Variants in CACNA2D3 observed in about 807,000 individuals in gnomAD.
CACNA2D3 encodes the protein voltage-dependent calcium channel subunit alpha-2/delta-3.
Under a neutral mutation model 160.6 loss-of-function variants are expected in CACNA2D3, and 60 were observed. The ratio of observed to expected loss-of-function variants is 0.37; its 90% CI spans 0.30 to 0.46. CACNA2D3 has a LOEUF of 0.46. CACNA2D3 is among the 20% of genes least tolerant of loss of function. The pLI is 1.00. For missense variants in CACNA2D3, 1,205 were observed against 1,365.0 expected (o/e 0.88, Z 1.85); for synonymous variants, 558 against 492.9 (o/e 1.13, Z -1.75).
At chr3:54,425,193 G>T (rs536049163) in intron 4 of CACNA2D3, among the ~76,000 whole-genome samples, 213 of 152,306 alleles carry the variant, frequency 1.4e-3, no homozygotes, top group African/African-American at 4.7e-3. Context: ...TTAGCCAGGC[G>T]TGGTGGCAGG....
In CACNA2D3 at chr3:54,677,460, T is replaced by C. The variant is rs540301650; in HGVS notation, c.1167+35219T>C. Among the ~76,000 whole-genome samples, 7 of 152,300 alleles carry C rather than the reference T, an allele frequency of 4.6e-5. No individual in the cohort carries two copies. The East Asian group carries it at 1.3e-3, about 29-fold the overall frequency. On this transcript the variant is annotated intron_variant, in intron 11 of 37. Coordinates refer to ENST00000474759, the MANE Select transcript of CACNA2D3 (RefSeq NM_018398.3). Reference sequence around the variant, plus strand: ...CTTCAATAAAAAGAACAGGCCTCTATTTAAAGACAGATTGAAGTTCTCTTC... The same window carrying C: ...CTTCAATAAAAAGAACAGGCCTCTACTTAAAGACAGATTGAAGTTCTCTTC...
chr3:54,763,809 A>ACG (rs1559573766), intron 12 of CACNA2D3, among the ~76,000 whole-genome samples: 2 of 15,746 alleles, frequency 1.3e-4, no homozygotes, highest in African/African-American at 4.9e-4. Context: ...GTACATATAT[A>ACG]TACATATATA....
At position 55,073,796 on chromosome 3, in the gene CACNA2D3, T is replaced by TGAAC; in HGVS notation, c.3122_3125dup (p.Leu1043ThrfsTer20). 6.2e-7 allele frequency: 1 copy of TGAAC among 1,613,472 alleles called. No homozygotes were observed. The highest frequency in any genetic ancestry group is 8.5e-7 in the Non-Finnish European group (1 of 1,179,474). On this transcript the variant is annotated frameshift_variant, in exon 37 of 38. Transcript: ENST00000474759. LOFTEE classifies it high-confidence loss of function. ...GTCAACATAATGAATCCCTTAAGTG[T>TGAAC]GAACGTCTAAAGGCCCAGAAGATCA...
chr3:54,970,467 G>T (rs183139300), intron 29 of CACNA2D3, among the ~76,000 whole-genome samples: 37 of 10,274 alleles, frequency 3.6e-3, no homozygotes, highest in South Asian at 0.01. Flanking sequence ...CCTCCCCTCC[G>T]TTCCTCACCC....
chr3:54,831,706 C>T (rs981731727), intron 14 of CACNA2D3, among the ~76,000 whole-genome samples: 2 of 152,122 alleles, frequency 1.3e-5, no homozygotes, highest in Non-Finnish European at 2.9e-5. Context: ...TACCCTTTTG[C>T]CTTTGGCCTT....
intron 32 of CACNA2D3, 72 bp downstream of exon 32, chr3:55,004,910 C>G: frequency 9.9e-7 from 1 of 1,010,298 alleles, no homozygotes; most frequent in Non-Finnish European, 1.5e-6. Flanking sequence ...TGTTATCTTC[C>G]TCTTTGGAGT....
intron 9 of CACNA2D3, among the ~76,000 whole-genome samples, chr3:54,600,656 G>C (rs1037352031): frequency 2.0e-5 from 3 of 152,184 alleles, no homozygotes; most frequent in African/African-American, 7.2e-5. Flanking sequence ...GGTGTGCTGT[G>C]AGGCAATGAG....
At position 54,809,366 on chromosome 3, in the gene CACNA2D3, C is replaced by T. The variant is rs1252690539; in HGVS notation, c.1381-7487C>T. 4.4e-5 allele frequency among the ~76,000 whole-genome samples: 5 copies of T among 113,646 alleles called. 1 individual carries two copies. The highest frequency in any genetic ancestry group is 1.3e-4 in the African/African-American group (3 of 23,448). 74.6% of individuals were successfully genotyped at this position (113,646 alleles called of 152,430 possible). A position where few individuals can be genotyped will look rare whatever the true frequency, so the allele number is the denominator to read the frequency against. On this transcript the variant is annotated intron_variant, in intron 13 of 37. Transcript: ENST00000474759. The stretch of plus-strand genomic sequence containing the variant: ...TCGCTCTGTCGCCCAGGTCGGACTG[C>T]GGACTGCAGTGGCGCAATCTCGGCT...
rs1293741219 is a variant in CACNA2D3 at position 55,062,816 on chromosome 3, A to G, written c.2988-10629A>G. ...GGATCTCACTTTTAGCTGCCCTAGA[A>G]GGTAACTCTTCCATTTGTTTTCCTG... is the stretch of plus-strand genomic sequence containing the variant. On this transcript the variant is annotated intron_variant, in intron 35 of 37. Transcript: ENST00000474759. Among the ~76,000 whole-genome samples, 3 of 152,202 alleles carry G rather than the reference A, an allele frequency of 2.0e-5. No homozygotes were observed. The East Asian group carries it at 5.8e-4, about 29-fold the overall frequency.
intron 27 of CACNA2D3, among the ~76,000 whole-genome samples, chr3:54,941,209 A>G (rs192268015): frequency 6.6e-6 from 1 of 152,370 alleles, no homozygotes; most frequent in Admixed American, 6.5e-5. Flanking sequence ...GTTGTTAAAC[A>G]GGCAAAGCCT....
At chr3:54,948,629 A>G (rs1208666282) in intron 27 of CACNA2D3, among the ~76,000 whole-genome samples, 7 of 152,230 alleles carry the variant, frequency 4.6e-5, no homozygotes, top group Non-Finnish European at 1.0e-4. Context: ...TGGAAGGAAT[A>G]CTAGGTTTCA....
At chr3:54,498,983 A>G (rs1701246340) in intron 4 of CACNA2D3, among the ~76,000 whole-genome samples, 1 of 152,120 alleles carries the variant, frequency 6.6e-6, no homozygotes, top group Non-Finnish European at 1.5e-5. Context: ...ATCAGAGAAC[A>G]TAGTATGTGG....
At chr3:54,564,564 C>A (rs935382854) in intron 6 of CACNA2D3, among the ~76,000 whole-genome samples, 2 of 152,196 alleles carry the variant, frequency 1.3e-5, no homozygotes, top group Non-Finnish European at 2.9e-5. Flanking sequence ...AAAGAGTGAT[C>A]ATGAGCATTT....
chr3:54,305,440 T>C (rs1052704303), intron 2 of CACNA2D3, among the ~76,000 whole-genome samples: 1 of 152,268 alleles, frequency 6.6e-6, no homozygotes, highest in Admixed American at 6.5e-5. Context: ...TCATGCACTA[T>C]AATTTATACT....
intron 2 of CACNA2D3, among the ~76,000 whole-genome samples, chr3:54,274,610 A>G (rs1230001471): frequency 1.3e-5 from 2 of 152,240 alleles, no homozygotes. Flanking sequence ...AACAGCAGCC[A>G]TTTACTATTA....
At chr3:54,407,786 A>G (rs573283139) in intron 4 of CACNA2D3, among the ~76,000 whole-genome samples, 1 of 152,266 alleles carries the variant, frequency 6.6e-6, no homozygotes, top group East Asian at 1.9e-4. Context: ...GCTTGATCCA[A>G]TAGGGAGAGC....
intron 35 of CACNA2D3, among the ~76,000 whole-genome samples, chr3:55,050,288 A>G (rs1396660721): frequency 6.6e-6 from 1 of 151,438 alleles, no homozygotes; most frequent in Non-Finnish European, 1.5e-5. Context: ...AGCTCTTGTA[A>G]GGCAGGCCTG....
intron 2 of CACNA2D3, among the ~76,000 whole-genome samples, chr3:54,306,267 TC>T (rs1703598289): frequency 6.6e-6 from 1 of 152,040 alleles, no homozygotes; most frequent in African/African-American, 2.4e-5. Flanking sequence ...CCTTATATTT[TC>T]CTAAACAGAT....
chr3:54,820,607 A>G (rs907490683), intron 14 of CACNA2D3, among the ~76,000 whole-genome samples: 2 of 152,152 alleles, frequency 1.3e-5, no homozygotes, highest in Non-Finnish European at 2.9e-5. Context: ...TTGGCTAAAA[A>G]ATATGTAGCA....
Sources: allele counts gnomAD v4.1 joint callset (sites outside exome capture counted in the v4.1 genomes callset), GRCh38; gene constraint gnomAD v4.1.1; transcripts MANE v1.5; gene names NCBI Gene and HGNC (gene_info 2026-07-23, HGNC 2026-07-21).